GIP: variants seen among roughly 807,000 people sequenced by gnomAD.
The protein encoded by GIP is gastric inhibitory polypeptide, also known as glucose-dependent insulinotropic polypeptide.
A neutral mutation model predicts 18.1 loss-of-function variants in GIP; 16 were observed. The observed-to-expected ratio is 0.88, with a 90% confidence interval of 0.60 to 1.34. The LOEUF is 1.34. Among genes scored for constraint, GIP ranks in the 40% most tolerant of loss-of-function variants. GIP has a pLI of 0.00. For missense variants in GIP, 192 were observed against 183.4 expected (o/e 1.05, Z -0.27); for synonymous variants, 76 against 74.0 (o/e 1.03, Z -0.14).
intron 2 of GIP, among the ~76,000 whole-genome samples, chr17:48,966,488 C>CAGAGGTTG (rs1023577407): frequency 6.6e-6 from 1 of 151,114 alleles, no homozygotes; most frequent in African/African-American, 2.4e-5. Flanking sequence ...ACCCAGGAGG[C>CAGAGGTTG]AGAGGTTGTA....
intron 3 of GIP, 143 bp downstream of exon 3, chr17:48,964,159 CAAAAAAAA>C (rs11380752): frequency 8.4e-6 from 3 of 357,650 alleles, no homozygotes; most frequent in Non-Finnish European, 1.5e-5. Context: ...GACTCCATCT[CAAAAAAAA>C]AAAAAAAAAA....
In GIP at chr17:48,965,436, C is replaced by T. The variant is rs1301855222; in HGVS notation, c.87-956G>A. Among the ~76,000 whole-genome samples the T allele has an allele frequency of 4.7e-5, 7 of 148,644 alleles. 1 individual carries two copies. Among genetic ancestry groups the T allele is most frequent in the Non-Finnish European group, 1.0e-4 (7 of 67,322 alleles). On this transcript the variant is annotated intron_variant, in intron 2 of 5. Coordinates refer to ENST00000357424, the MANE Select transcript of GIP (RefSeq NM_004123.3). The stretch of plus-strand genomic sequence containing the variant: ...TGGCTAACATGGTGAAACCCCGTCT[C>T]TACTAAAAATACAAAAAAATTAGCC...
intron 3 of GIP, among the ~76,000 whole-genome samples, chr17:48,963,382 C>T (rs559757413): frequency 2.2e-4 from 33 of 151,688 alleles, no homozygotes; most frequent in Non-Finnish European, 4.0e-4. Context: ...TTAGGCCAGG[C>T]GCAGTGGCTT....
intron 1 of GIP, among the ~76,000 whole-genome samples, chr17:48,967,613 C>T (rs1430072383): frequency 4.0e-5 from 6 of 151,432 alleles, no homozygotes; most frequent in Non-Finnish European, 1.5e-5. Flanking sequence ...CCACCTGGGC[C>T]TCCCAAAGTG....
chr17:48,958,807 C>T (rs2041183139), intron 5 of GIP, 91 bp from the exon 6 acceptor site: 1 of 826,760 alleles, frequency 1.2e-6, no homozygotes, highest in Non-Finnish European at 2.0e-6. Flanking sequence ...TGTTGAACCC[C>T]TCCTACCTTC....
At position 48,967,221 on chromosome 17, in the gene GIP, C is replaced by A. The variant is rs148842243; in HGVS notation, c.12G>T (p.Thr4=). Residue 4 remains threonine, a synonymous_variant, in exon 2 of 6, where the codon ACG becomes ACT. Transcript: ENST00000357424. MVA[T]KTFALLLLSL... ...ACAGCAGCAGCAGAGCAAAGGTCTT[C>A]GTGGCCACCATCTTCCAAGGTTATT... is the stretch of plus-strand genomic sequence containing the variant. 5.0e-6 allele frequency: 8 copies of A among 1,613,946 alleles called. No individual in the cohort carries two copies.
At chr17:48,962,221 C>G (rs1386372651) in intron 3 of GIP, among the ~76,000 whole-genome samples, 1 of 152,040 alleles carries the variant, frequency 6.6e-6, no homozygotes, top group Middle Eastern at 3.2e-3. Flanking sequence ...AGGCAGGCAT[C>G]ACCACACCCA....
chr17:48,962,411 C>G (rs2143847639), intron 3 of GIP, among the ~76,000 whole-genome samples: 1 of 151,886 alleles, frequency 6.6e-6, no homozygotes, highest in East Asian at 1.9e-4. Context: ...GCTCTGTTGC[C>G]AGGCTGGGGT....
intron 1 of GIP, 62 bp from the exon 2 acceptor site, chr17:48,967,315 A>T: frequency 1.9e-6 from 2 of 1,027,270 alleles, no homozygotes; most frequent in East Asian, 2.4e-5. Context: ...TGAAAGCTGG[A>T]GAGGGGCAAA....
intron 3 of GIP, among the ~76,000 whole-genome samples, chr17:48,962,277 C>T (rs1012108641): frequency 1.3e-5 from 2 of 151,984 alleles, no homozygotes; most frequent in Non-Finnish European, 2.9e-5. Context: ...AGGCTGTTCT[C>T]GAATGAACTC....
chr17:48,966,358 C>T (rs2041236027), intron 2 of GIP, among the ~76,000 whole-genome samples: 1 of 151,036 alleles, frequency 6.6e-6, no homozygotes, highest in African/African-American at 2.4e-5. Context: ...GAGTTCGAGA[C>T]CAGCCTGACC....
intron 2 of GIP, 143 bp downstream of exon 2, chr17:48,967,004 C>A: frequency 1.6e-6 from 1 of 630,392 alleles, no homozygotes; most frequent in Non-Finnish European, 2.8e-6. Flanking sequence ...TTTGCACTCA[C>A]GCTGCCGGCA....
chr17:48,958,852 T>C (rs1370694343), intron 5 of GIP, 136 bp from the exon 6 acceptor site: 2 of 621,866 alleles, frequency 3.2e-6, no homozygotes, highest in Non-Finnish European at 5.4e-6. Flanking sequence ...TTTTTATCAA[T>C]TTACTTTTTT....
At position 48,959,570 on chromosome 17, in the gene GIP, T is replaced by C. The variant is rs368480369; in HGVS notation, c.453-854A>G. On this transcript the variant is annotated intron_variant, in intron 5 of 5. Coordinates refer to ENST00000357424, the MANE Select transcript of GIP (RefSeq NM_004123.3). ...TTCATAATATTTAGTGCCTCGATTC[T>C]GGGACATAAGGAATGGACTGAAGAA... 5.9e-5 allele frequency among the ~76,000 whole-genome samples: 9 copies of C among 152,296 alleles called. 1 individual carries two copies. The highest frequency in any genetic ancestry group is 1.9e-4 in the African/African-American group (8 of 41,560).
intron 5 of GIP, among the ~76,000 whole-genome samples, chr17:48,959,852 C>G (rs35382611): frequency 2.7e-4 from 3 of 11,010 alleles, no homozygotes; most frequent in African/African-American, 7.2e-4. Flanking sequence ...GACAGGCAGG[C>G]CACAGGATGG....
At chr17:48,963,606 GC>G (rs1251389950) in intron 3 of GIP, among the ~76,000 whole-genome samples, 1 of 151,840 alleles carries the variant, frequency 6.6e-6, no homozygotes, top group Non-Finnish European at 1.5e-5. Context: ...GTTGCAGTGA[GC>G]CAAGATCGAG....
Position 48,967,023 on chromosome 17 carries a change from C to T in GIP, c.86+124G>A, listed in dbSNP as rs1018785939. 4 of 703,482 alleles carry T rather than the reference C, an allele frequency of 5.7e-6. No homozygotes were observed. In the African/African-American group the frequency reaches 7.0e-5, roughly 12 times the overall value. The allele number at this position is 703,482 out of a possible 1,614,324, so 43.6% of individuals were successfully genotyped here. ...CACTCACGCTGCCGGCAGGTATTTCCCTGGAGCTTCCTACCTCTTAGCCTG... is the reference window on the plus strand; with the variant it reads ...CACTCACGCTGCCGGCAGGTATTTCTCTGGAGCTTCCTACCTCTTAGCCTG... On this transcript the variant is annotated intron_variant, in intron 2 of 5. Transcript: ENST00000357424.
At chr17:48,964,622 AC>A in intron 2 of GIP, 142 bp from the exon 3 acceptor site, 3 of 645,608 alleles carry the variant, frequency 4.6e-6, no homozygotes, top group South Asian at 3.9e-5. Context: ...CCACTCCCCC[AC>A]CCCACCCCAG....
At position 48,967,263 on chromosome 17, in the gene GIP, A is replaced by G. The variant is rs777686395; in HGVS notation, c.-21-10T>C. On this transcript the variant is annotated splice_polypyrimidine_tract_variant and intron_variant, in intron 1 of 5. Transcript: ENST00000357424. ...AAGGTTATTTCCTGAGCTAAGACAG[A>G]AAAAAGCCAGGACATGTTGAGAGAG... The G allele has an allele frequency of 1.3e-6, 2 of 1,591,412 alleles. No individual in the cohort carries two copies. Among genetic ancestry groups the G allele is most frequent in the South Asian group, 1.1e-5 (1 of 90,594 alleles).
Sources: gnomAD v4.1 joint callset for allele counts (sites outside exome capture counted in the v4.1 genomes callset) on GRCh38, gnomAD v4.1.1 for gene constraint, MANE v1.5 for transcripts, NCBI Gene and HGNC (gene_info 2026-07-23, HGNC 2026-07-21) for gene names.